FBXL7: variants seen among roughly 807,000 people sequenced by gnomAD.
The protein encoded by FBXL7 is F-box/LRR-repeat protein 7.
In FBXL7, 12 loss-of-function variants were observed where a neutral mutation model predicts 38.3. The ratio of observed to expected loss-of-function variants is 0.31; its 90% CI spans 0.20 to 0.51. The LOEUF (loss-of-function observed/expected upper bound fraction) is 0.51. FBXL7 is among the 20% of genes least tolerant of loss of function. The pLI is 0.98. For synonymous variants in FBXL7, 297 were observed against 300.9 expected (o/e 0.99, Z 0.13); for missense variants, 567 against 676.4 (o/e 0.84, Z 1.79).
chr5:15,646,688 G>A (rs1425836278), intron 2 of FBXL7, among the ~76,000 whole-genome samples: 2 of 152,138 alleles, frequency 1.3e-5, no homozygotes, highest in Admixed American at 6.6e-5. Flanking sequence ...CTAAATTCTC[G>A]ATGTTAATGT....
At chr5:15,668,511 C>T (rs1742358871) in intron 2 of FBXL7, among the ~76,000 whole-genome samples, 1 of 151,926 alleles carries the variant, frequency 6.6e-6, no homozygotes, top group African/African-American at 2.4e-5. Flanking sequence ...GGATGCTGTG[C>T]ATGTGCCTTC....
intron 2 of FBXL7, among the ~76,000 whole-genome samples, chr5:15,851,129 C>A (rs1739081947): frequency 6.6e-6 from 1 of 152,186 alleles, no homozygotes; most frequent in African/African-American, 2.4e-5. Context: ...GATACACACA[C>A]CCGGCCATTT....
intron 2 of FBXL7, among the ~76,000 whole-genome samples, chr5:15,643,332 A>G (rs182495531): frequency 4.0e-4 from 61 of 152,354 alleles, no homozygotes; most frequent in African/African-American, 1.2e-3. Context: ...TTAAGAGCCA[A>G]TAAAATATAG....
intron 2 of FBXL7, among the ~76,000 whole-genome samples, chr5:15,817,222 A>G (rs1394945713): frequency 3.3e-5 from 5 of 152,210 alleles, no homozygotes; most frequent in Admixed American, 2.6e-4. Context: ...GACAGGTCCC[A>G]AGAAGCAGAC....
intron 2 of FBXL7, among the ~76,000 whole-genome samples, chr5:15,861,542 G>A (rs1739471653): frequency 6.6e-6 from 1 of 152,188 alleles, no homozygotes; most frequent in Non-Finnish European, 1.5e-5. Flanking sequence ...GATTCTCAGA[G>A]CCACTGAGCA....
At chr5:15,799,965 G>A (rs1361810401) in intron 2 of FBXL7, among the ~76,000 whole-genome samples, 4 of 151,978 alleles carry the variant, frequency 2.6e-5, no homozygotes, top group African/African-American at 4.8e-5. Context: ...CTAAAATCAC[G>A]GTCCAGCAAT....
intron 2 of FBXL7, among the ~76,000 whole-genome samples, chr5:15,646,569 G>A (rs1741539560): frequency 6.6e-6 from 1 of 152,202 alleles, no homozygotes; most frequent in African/African-American, 2.4e-5. Context: ...ATTCTCTTTG[G>A]CTGATCTTAT....
In FBXL7 at chr5:15,665,384, A is replaced by G. The variant is rs1455945916; in HGVS notation, c.127+49312A>G. Among the ~76,000 whole-genome samples the G allele has an allele frequency of 3.9e-5, 6 of 152,254 alleles. No homozygotes were observed. In the South Asian group the frequency reaches 8.3e-4, roughly 21 times the overall value. On this transcript the variant is annotated intron_variant, in intron 2 of 3. Coordinates refer to ENST00000504595, the MANE Select transcript of FBXL7 (RefSeq NM_012304.5). ...CATTTTACGTGATTTCTCTCTACCT[A>G]TCTATACGGTGGCCACTTCTTCCTC...
At chr5:15,902,146 T>C (rs938856390) in intron 2 of FBXL7, among the ~76,000 whole-genome samples, 1 of 152,092 alleles carries the variant, frequency 6.6e-6, no homozygotes, top group Admixed American at 6.6e-5. Context: ...ACAGTGACGG[T>C]TTTATATTGG....
At chr5:15,518,997 A>C (rs1396186337) in intron 1 of FBXL7, among the ~76,000 whole-genome samples, 1 of 152,124 alleles carries the variant, frequency 6.6e-6, no homozygotes, top group Non-Finnish European at 1.5e-5. Context: ...AGAAGAGCAT[A>C]CAGTGGGAGT....
At chr5:15,683,328 T>G (rs568106324) in intron 2 of FBXL7, among the ~76,000 whole-genome samples, 1 of 152,166 alleles carries the variant, frequency 6.6e-6, no homozygotes, top group Non-Finnish European at 1.5e-5. Context: ...CTAGGAATTT[T>G]GTGGGAAAGT....
At chr5:15,696,509 A>G (rs539495425) in intron 2 of FBXL7, among the ~76,000 whole-genome samples, 1 of 152,240 alleles carries the variant, frequency 6.6e-6, no homozygotes, top group Non-Finnish European at 1.5e-5. Flanking sequence ...GTTAATTAAG[A>G]CTTTATCCTA....
chr5:15,740,587 T>C (rs1232726341), intron 2 of FBXL7, among the ~76,000 whole-genome samples: 1 of 152,180 alleles, frequency 6.6e-6, no homozygotes, highest in African/African-American at 2.4e-5. Flanking sequence ...CTGTTGCACA[T>C]AGTCATGAAT....
intron 1 of FBXL7, among the ~76,000 whole-genome samples, chr5:15,515,637 A>G (rs1218347624): frequency 6.6e-6 from 1 of 152,178 alleles, no homozygotes; most frequent in Non-Finnish European, 1.5e-5. Context: ...GAAGCAGCAG[A>G]TGGTTATAGT....
intron 2 of FBXL7, among the ~76,000 whole-genome samples, chr5:15,711,969 T>C (rs997802984): frequency 6.6e-6 from 1 of 152,198 alleles, no homozygotes; most frequent in Non-Finnish European, 1.5e-5. Flanking sequence ...ATAGCTTATA[T>C]AAATGCACTC....
chr5:15,875,539 A>G (rs1579554711), intron 2 of FBXL7, among the ~76,000 whole-genome samples: 1 of 152,290 alleles, frequency 6.6e-6, no homozygotes, highest in East Asian at 1.9e-4. Flanking sequence ...TCTACAAGGA[A>G]CTTAAGCAAA....
chr5:15,792,405 G>GT (rs1737299223), intron 2 of FBXL7, among the ~76,000 whole-genome samples: 1 of 152,124 alleles, frequency 6.6e-6, no homozygotes, highest in South Asian at 2.1e-4. Flanking sequence ...CCTTTCAAAG[G>GT]TAAGACTGTG....
rs528570382 is a variant in FBXL7 at position 15,889,591 on chromosome 5, A to G, written c.128-38299A>G. On this transcript the variant is annotated intron_variant, in intron 2 of 3. Transcript: ENST00000504595. Reference sequence around the variant, plus strand: ...ATCAGCAGTTCACCAACTCTCTGCCATATTAGAATACCCAAGAGCTTTGAA... The same window carrying G: ...ATCAGCAGTTCACCAACTCTCTGCCGTATTAGAATACCCAAGAGCTTTGAA... 2.4e-4 allele frequency among the ~76,000 whole-genome samples: 37 copies of G among 152,318 alleles called. 1 individual carries two copies. The South Asian group carries it at 7.0e-3, about 29-fold the overall frequency.
Position 15,821,068 on chromosome 5 carries a change from C to T in FBXL7, c.128-106822C>T, listed in dbSNP as rs142646647. On this transcript the variant is annotated intron_variant, in intron 2 of 3. Coordinates refer to ENST00000504595, the MANE Select transcript of FBXL7 (RefSeq NM_012304.5). The stretch of plus-strand genomic sequence containing the variant: ...CAAGGATACCGCTTATTCAACTTTG[C>T]TCCCCCATCCCACTGAATAGAGTCG... 2.4e-3 allele frequency among the ~76,000 whole-genome samples: 361 copies of T among 152,284 alleles called. 2 individuals carry two copies. The highest frequency in any genetic ancestry group is 3.4e-3 in the Middle Eastern group (1 of 294).
Sources: gnomAD v4.1 joint callset for allele counts (sites outside exome capture counted in the v4.1 genomes callset) on GRCh38, gnomAD v4.1.1 for gene constraint, MANE v1.5 for transcripts, NCBI Gene and HGNC (gene_info 2026-07-23, HGNC 2026-07-21) for gene names.